The following PGRMC2 variants were observed in gnomAD, a reference collection of about 807,000 sequenced individuals.
PGRMC2 encodes membrane-associated progesterone receptor component 2.
PGRMC2 carries 9 observed loss-of-function variants against 19.3 expected under a neutral mutation model. The observed-to-expected ratio is 0.47, with a 90% CI of 0.28 to 0.81. The LOEUF (loss-of-function observed/expected upper bound fraction) is 0.81, where lower values mean the gene tolerates loss of function less well. Ranked by LOEUF, PGRMC2 falls within the 40% of genes least tolerant of loss-of-function variation. The probability of loss-of-function intolerance (pLI) is 0.11; values close to 1 mark genes in which losing one functional copy is unlikely to be tolerated. For synonymous variants in PGRMC2, 157 were observed against 124.6 expected (o/e 1.26, Z -1.73); for missense variants, 289 against 297.3 (o/e 0.97, Z 0.21).
Position 128,269,595 on chromosome 4 carries a change from G to A in PGRMC2, c.*1721C>T, listed in dbSNP as rs1024161370. 6.6e-6 allele frequency: 1 copy of A among 152,114 alleles called. No homozygotes were observed. The highest frequency in any genetic ancestry group is 1.5e-5 in the Non-Finnish European group (1 of 68,012). The allele number at this position is 152,114 out of a possible 1,614,324, so 9.4% of individuals were successfully genotyped here. ...ATTTTACATACTTTAGCTTATTGTT[G>A]CAGTTAAAAGCTCCCCCTTGTTTGA... On this transcript the variant is annotated 3_prime_UTR_variant, in exon 3 of 3. Transcript: ENST00000296425.
chr4:128,272,302 G>A, intron 2 of PGRMC2, 60 bp downstream of exon 2: 1 of 1,004,390 alleles, frequency 1.0e-6, no homozygotes, highest in Non-Finnish European at 1.4e-6. Context: ...ATGTAAAATA[G>A]TATATATTTT....
intron 1 of PGRMC2, among the ~76,000 whole-genome samples, chr4:128,282,456 A>G (rs1760922149): frequency 6.6e-6 from 1 of 152,244 alleles, no homozygotes; most frequent in African/African-American, 2.4e-5. Context: ...CTATCCTTTT[A>G]TAATATGCTT....
At chr4:128,276,182 C>T (rs1033689331) in intron 1 of PGRMC2, among the ~76,000 whole-genome samples, 3 of 152,188 alleles carry the variant, frequency 2.0e-5, no homozygotes, top group African/African-American at 4.8e-5. Context: ...CTTCCCATTC[C>T]GTTATCCCCT....
chr4:128,286,716 C>G, intron 1 of PGRMC2: 1 of 398,500 alleles, frequency 2.5e-6, no homozygotes, highest in Non-Finnish European at 4.4e-6. Context: ...TCCCACATAC[C>G]TTGTTAATCA....
chr4:128,279,991 G>GT (rs755197253), intron 1 of PGRMC2, among the ~76,000 whole-genome samples: 18 of 152,092 alleles, frequency 1.2e-4, no homozygotes, highest in Middle Eastern at 6.8e-3. Context: ...TTTAACTTAC[G>GT]TGAGGCCCTA....
Position 128,271,003 on chromosome 4 carries a change from AGAAAG to A in PGRMC2, c.*308_*312del, listed in dbSNP as rs1158095149. 2 of 197,180 alleles carry A rather than the reference AGAAAG, an allele frequency of 1.0e-5. No homozygotes were observed. The highest frequency in any genetic ancestry group is 2.0e-5 in the Non-Finnish European group (2 of 97,878). 12.2% of individuals were successfully genotyped at this position (197,180 alleles called of 1,614,324 possible). On this transcript the variant is annotated 3_prime_UTR_variant, in exon 3 of 3. Coordinates refer to ENST00000296425, the MANE Select transcript of PGRMC2 (RefSeq NM_006320.6). ...TTTTAAAAAGAAAGAAAGAGAAAGA[AGAAAG>A]GAAAGAAGGAAAAAAGGAAGGAAAG...
intron 1 of PGRMC2, among the ~76,000 whole-genome samples, chr4:128,279,089 T>C (rs1464501735): frequency 6.6e-6 from 1 of 151,912 alleles, no homozygotes; most frequent in South Asian, 2.1e-4. Context: ...ATGCCTGCAA[T>C]CCCAGCTACT....
chr4:128,273,579 A>G (rs774002880), intron 1 of PGRMC2, among the ~76,000 whole-genome samples: 1 of 152,228 alleles, frequency 6.6e-6, no homozygotes, highest in Non-Finnish European at 1.5e-5. Context: ...GGTGAAAAAC[A>G]GGGCTTATAA....
chr4:128,283,128 T>C (rs1050114823), intron 1 of PGRMC2, among the ~76,000 whole-genome samples: 9 of 152,248 alleles, frequency 5.9e-5, no homozygotes, highest in Non-Finnish European at 1.0e-4. Context: ...TAAAGTTCCA[T>C]TGCAGTAATA....
chr4:128,287,743 G>C lies in PGRMC2; in HGVS notation c.48C>G (p.Gly16=). 6.8e-7 allele frequency: 1 copy of C among 1,479,502 alleles called. No individual in the cohort carries two copies. The highest frequency in any genetic ancestry group is 9.2e-7 in the Non-Finnish European group (1 of 1,084,758). 91.6% of individuals were successfully genotyped at this position (1,479,502 alleles called of 1,614,324 possible). A position where few individuals can be genotyped will look rare whatever the true frequency, so the allele number is the denominator to read the frequency against. Residue 16 remains glycine (G), a synonymous_variant, in exon 1 of 3, where the codon GGC becomes GGG. Coordinates refer to ENST00000296425, the MANE Select transcript of PGRMC2 (RefSeq NM_006320.6). ...TGCCGCCGTCGTTGCTGCTCTCGCTGCCACTCCCCAGGGTGCCTAGCTTCA... is the reference window on the plus strand; with the variant it reads ...TGCCGCCGTCGTTGCTGCTCTCGCTCCCACTCCCCAGGGTGCCTAGCTTCA... ...GDVKLGTLGS[G]SESSNDGGSE...
At chr4:128,280,156 G>T (rs1760885757) in intron 1 of PGRMC2, among the ~76,000 whole-genome samples, 1 of 151,786 alleles carries the variant, frequency 6.6e-6, no homozygotes, top group African/African-American at 2.4e-5. Context: ...CATCATGGAG[G>T]AGTGGGCACA....
chr4:128,272,058 ATAATTATCACATG>A (rs1377513630), intron 2 of PGRMC2, among the ~76,000 whole-genome samples: 1 of 152,222 alleles, frequency 6.6e-6, no homozygotes, highest in Non-Finnish European at 1.5e-5. Context: ...GATTTTCAAA[ATAATTATCACATG>A]TAACAATCAT....
chr4:128,281,340 C>G (rs975115244), intron 1 of PGRMC2, among the ~76,000 whole-genome samples: 1 of 152,112 alleles, frequency 6.6e-6, no homozygotes, highest in African/African-American at 2.4e-5. Flanking sequence ...CTTAAAGAGG[C>G]AGCTTTTTCA....
intron 1 of PGRMC2, among the ~76,000 whole-genome samples, chr4:128,274,595 C>T (rs1254809074): frequency 6.7e-6 from 1 of 150,224 alleles, no homozygotes; most frequent in Non-Finnish European, 1.5e-5. Flanking sequence ...AAATTCTACA[C>T]ACTTTGTGGC....
intron 1 of PGRMC2, among the ~76,000 whole-genome samples, chr4:128,282,697 G>A (rs1275979124): frequency 1.3e-5 from 2 of 152,264 alleles, no homozygotes; most frequent in Non-Finnish European, 2.9e-5. Flanking sequence ...AAGCTGGGAT[G>A]AGAGGTGGGC....
chr4:128,282,696 T>TG (rs1347676321), intron 1 of PGRMC2, among the ~76,000 whole-genome samples: 1 of 152,194 alleles, frequency 6.6e-6, no homozygotes, highest in Non-Finnish European at 1.5e-5. Flanking sequence ...GAAGCTGGGA[T>TG]GAGAGGTGGG....
At chr4:128,276,403 C>T (rs1398963293) in intron 1 of PGRMC2, among the ~76,000 whole-genome samples, 1 of 152,094 alleles carries the variant, frequency 6.6e-6, no homozygotes, top group African/African-American at 2.4e-5. Context: ...GCAACCTCTG[C>T]CTCCTAGGTT....
At chr4:128,286,611 A>G in intron 1 of PGRMC2, 1 of 398,584 alleles carries the variant, frequency 2.5e-6, no homozygotes. Flanking sequence ...AAGAAACCAG[A>G]GACACGCCTG....
chr4:128,279,157 G>A lies in PGRMC2; in HGVS notation c.419-6640C>T, dbSNP rs1376928792. Among the ~76,000 whole-genome samples, 3 of 151,626 alleles carry A rather than the reference G, an allele frequency of 2.0e-5. No individual in the cohort carries two copies. In the East Asian group the frequency reaches 5.8e-4, roughly 29 times the overall value. On this transcript the variant is annotated intron_variant, in intron 1 of 2. Transcript: ENST00000296425. ...CAGCAGGCAGAGGTTGCAGTGAGCCGAGATTGCATCATTGCACTCCAGCCT... is the reference window on the plus strand; with the variant it reads ...CAGCAGGCAGAGGTTGCAGTGAGCCAAGATTGCATCATTGCACTCCAGCCT...
Sources: gnomAD v4.1 joint callset for allele counts (sites outside exome capture counted in the v4.1 genomes callset) on GRCh38, gnomAD v4.1.1 for gene constraint, MANE v1.5 for transcripts, NCBI Gene and HGNC (gene_info 2026-07-23, HGNC 2026-07-21) for gene names.